Variants in WDR36 observed in about 807,000 individuals in gnomAD.
WDR36 encodes WD repeat-containing protein 36.
In WDR36, 63 loss-of-function variants were observed where a neutral mutation model predicts 112.7. The ratio of observed to expected loss-of-function variants is 0.56; its 90% CI spans 0.46 to 0.69. The LOEUF (loss-of-function observed/expected upper bound fraction) is 0.69, where lower values mean the gene tolerates loss of function less well. WDR36 is among the 30% of genes least tolerant of loss of function. The pLI is 0.00. For synonymous variants in WDR36, 410 were observed against 362.2 expected, an observed-to-expected ratio of 1.13 and a Z score of -1.50; for missense variants, 1,226 against 1,070.3, an observed-to-expected ratio of 1.15 and a Z score of -2.03.
At position 111,104,313 on chromosome 5, in the gene WDR36, G is replaced by A. The variant is rs749915997; in HGVS notation, c.867G>A (p.Glu289=). 7 of 1,611,934 alleles carry A rather than the reference G, an allele frequency of 4.3e-6. No homozygotes were observed. The highest frequency in any genetic ancestry group is 5.9e-6 in the Non-Finnish European group (7 of 1,178,544). ...AIAGLTFLHR[E]PLLVTNGADN... ...CCGGACTGACATTTCTCCATAGAGA[G>A]CCACTTCTTGTCACAAATGGCGCTG... Residue 289 remains glutamate (E), a synonymous_variant, in exon 8 of 23, where the codon GAG becomes GAA. Coordinates refer to ENST00000513710, the MANE Select transcript of WDR36 (RefSeq NM_139281.3).
Position 111,123,917 on chromosome 5 carries a change from C to A in WDR36, c.2261C>A (p.Pro754His). 1 of 1,613,554 alleles carries A rather than the reference C, an allele frequency of 6.2e-7. No individual in the cohort carries two copies. The highest frequency in any genetic ancestry group is 8.5e-7 in the Non-Finnish European group (1 of 1,179,884). ...GCTGCACCTGAACAAAATAATGATC[C>A]CCAGCAGGTAAAAAACAAATTAGAA... Reference protein sequence around the residue: ...RYAAPEQNNDPQQSKVVNLGV... With the variant: ...RYAAPEQNNDHQQSKVVNLGV... Residue 754 changes from proline (P) to histidine (H), a missense_variant, in exon 20 of 23, where the codon CCC becomes CAC. By Grantham distance (77) the Pro-to-His change is moderately conservative. Coordinates refer to ENST00000513710, the MANE Select transcript of WDR36 (RefSeq NM_139281.3).
intron 16 of WDR36, among the ~76,000 whole-genome samples, chr5:111,117,710 G>A (rs1753484709): frequency 6.6e-6 from 1 of 152,112 alleles, no homozygotes; most frequent in Non-Finnish European, 1.5e-5. Context: ...TCCTCACACA[G>A]AACACTAAAA....
In WDR36 at chr5:111,104,728, G is replaced by A. The variant is rs2112572616; in HGVS notation, c.938G>A (p.Gly313Asp). 11 of 1,611,348 alleles carry A rather than the reference G, an allele frequency of 6.8e-6. No individual in the cohort carries two copies. Among genetic ancestry groups the A allele is most frequent in the Non-Finnish European group, 9.3e-6 (11 of 1,177,960 alleles). ...ATATTTGATGGTCCTACAGGTGAAG[G>A]CCGACTTTTGAGATTCAGAATGGGT... Reference protein sequence around the residue: ...IWIFDGPTGEGRLLRFRMGHS... With the variant: ...IWIFDGPTGEDRLLRFRMGHS... The change falls in exon 9 of 23, where the codon GGC becomes GAC. Residue 313 changes from glycine (G) to aspartate (D), a missense_variant. Coordinates refer to ENST00000513710, the MANE Select transcript of WDR36 (RefSeq NM_139281.3).
At position 111,103,915 on chromosome 5, in the gene WDR36, A is replaced by G. The variant is rs1753170073; in HGVS notation, c.727A>G (p.Thr243Ala). ...WGPITSISFR[T>A]DGHPVMAAGS... ...ACCCATTACTTCAATTTCATTTCGCACAGGTAACTTTTAACATACTTATTG... is the reference window on the plus strand; with the variant it reads ...ACCCATTACTTCAATTTCATTTCGCGCAGGTAACTTTTAACATACTTATTG... Residue 243 changes from threonine to alanine, a missense_variant, in exon 7 of 23, where the codon ACA (threonine) becomes GCA (alanine). Transcript: ENST00000513710. The G allele has an allele frequency of 6.2e-7, 1 of 1,610,780 alleles. No homozygotes were observed. Among genetic ancestry groups the G allele is most frequent in the African/African-American group, 1.3e-5 (1 of 74,692 alleles).
intron 6 of WDR36, 103 bp downstream of exon 6, chr5:111,102,502 T>A: frequency 8.8e-7 from 1 of 1,136,666 alleles, no homozygotes; most frequent in Non-Finnish European, 1.3e-6. Flanking sequence ...AAACAATATA[T>A]AGCTTAGTTT....
rs145743089 is a variant in WDR36, at chr5:111,106,084, G to C, written c.1121G>C (p.Arg374Pro). 1 of 1,609,580 alleles carries C rather than the reference G, an allele frequency of 6.2e-7. No individual in the cohort carries two copies. Among genetic ancestry groups the C allele is most frequent in the East Asian group, 2.2e-5 (1 of 44,706 alleles). ...TTAATAAATAAAAAGAGAGTTAAAC[G>C]TAAAGGACTTCAGAATACCATGTCA... ...HGLINKKRVKRKGLQNTMSVR... is the reference protein window; with the variant it reads ...HGLINKKRVKPKGLQNTMSVR... The change falls in exon 11 of 23, where the codon CGT becomes CCT. Residue 374 changes from arginine (R) to proline (P), a missense_variant. Coordinates refer to ENST00000513710, the MANE Select transcript of WDR36 (RefSeq NM_139281.3).
chr5:111,123,773 C>T (rs1753618063), intron 19 of WDR36, 32 bp from the exon 20 acceptor site: 1 of 1,611,010 alleles, frequency 6.2e-7, no homozygotes, highest in Non-Finnish European at 8.5e-7. Context: ...CAAGATAATT[C>T]CTATTTTTCT....
chr5:111,104,082 C>G (rs1426316460), intron 7 of WDR36, 95 bp from the exon 8 acceptor site: 4 of 1,416,414 alleles, frequency 2.8e-6, no homozygotes, highest in African/African-American at 1.5e-5. Flanking sequence ...TAGTTTTTTT[C>G]TAACTTTATG....
At chr5:111,114,007 A>G (rs191131696) in intron 16 of WDR36, among the ~76,000 whole-genome samples, 2 of 152,206 alleles carry the variant, frequency 1.3e-5, no homozygotes, top group East Asian at 3.9e-4. Context: ...GGACATTCTA[A>G]CTATATCTTA....
chr5:111,110,833 A>G lies in WDR36; in HGVS notation c.1487A>G (p.Gln496Arg), dbSNP rs751060641. 1.2e-6 allele frequency: 2 copies of G among 1,611,584 alleles called. No homozygotes were observed. The highest frequency in any genetic ancestry group is 1.1e-5 in the South Asian group (1 of 91,024). Reference protein sequence around the residue: ...VRGVAVDGLNQLTVTTGSEGL... With the variant: ...VRGVAVDGLNRLTVTTGSEGL... ...GGTGTCGCAGTGGATGGATTAAACCAGTTGACAGTTACAACTGGTAGTGAA... is the reference window on the plus strand; with the variant it reads ...GGTGTCGCAGTGGATGGATTAAACCGGTTGACAGTTACAACTGGTAGTGAA... The change falls in exon 14 of 23, where the codon CAG becomes CGG. Residue 496 changes from glutamine to arginine, a missense_variant. By Grantham distance (43) the Gln-to-Arg change is conservative. Coordinates refer to ENST00000513710, the MANE Select transcript of WDR36 (RefSeq NM_139281.3).
At position 111,124,094 on chromosome 5, in the gene WDR36, T is replaced by A; in HGVS notation, c.2269-14T>A. The A allele has an allele frequency of 6.2e-7, 1 of 1,612,036 alleles. No homozygotes were observed. The highest frequency in any genetic ancestry group is 8.5e-7 in the Non-Finnish European group (1 of 1,178,678). ...TTGAATTATTTGAATAATGTGTATT[T>A]GTTTTTGTTTAAGTCTAAAGTGGTA... On this transcript the variant is annotated splice_polypyrimidine_tract_variant and intron_variant, in intron 20 of 22. Transcript: ENST00000513710.
rs1753702531 is a variant in WDR36, at chr5:111,127,769, A to G, written c.*886A>G. On this transcript the variant is annotated 3_prime_UTR_variant, in exon 23 of 23. Coordinates refer to ENST00000513710, the MANE Select transcript of WDR36 (RefSeq NM_139281.3). The stretch of plus-strand genomic sequence containing the variant: ...CATTGGAAGATGGCCTTTTACTGAC[A>G]CTGCAGACATGTAGATAACAATAGT... 1 of 211,050 alleles carries G rather than the reference A, an allele frequency of 4.7e-6. No homozygotes were observed. The highest frequency in any genetic ancestry group is 5.9e-5 in the Admixed American group (1 of 17,000). 13.1% of individuals were successfully genotyped at this position (211,050 alleles called of 1,614,324 possible). A position where few individuals can be genotyped will look rare whatever the true frequency, so the allele number is the denominator to read the frequency against.
chr5:111,092,495 T>C lies in WDR36; in HGVS notation c.39T>C (p.Leu13=), dbSNP rs1752882916. The C allele has an allele frequency of 2.5e-6, 4 of 1,614,088 alleles. No homozygotes were observed. The highest frequency in any genetic ancestry group is 3.4e-6 in the Non-Finnish European group (4 of 1,180,054). ...RASERRTASA[L]FAGFRALGLF... The stretch of plus-strand genomic sequence containing the variant: ...CAGAAAGGCGCACGGCCAGCGCGCT[T>C]TTTGCGGGGTTCCGGGCCTTGGGAC... The change falls in exon 1 of 23, where the codon CTT becomes CTC. Residue 13 remains leucine (L), a synonymous_variant. Coordinates refer to ENST00000513710, the MANE Select transcript of WDR36 (RefSeq NM_139281.3).
chr5:111,116,401 A>T (rs1753455865), intron 16 of WDR36, among the ~76,000 whole-genome samples: 1 of 152,218 alleles, frequency 6.6e-6, no homozygotes, highest in Non-Finnish European at 1.5e-5. Flanking sequence ...TCACTGAGGC[A>T]GAAACATCCC....
chr5:111,111,326 TTGGGTG>T (rs779303635), intron 15 of WDR36, 48 bp downstream of exon 15: 5 of 1,465,744 alleles, frequency 3.4e-6, no homozygotes, highest in Non-Finnish European at 4.8e-6. Flanking sequence ...CTACTTTTGT[TTGGGTG>T]TGTTATCCTT....
At chr5:111,100,846 A>G (rs1315246128) in intron 5 of WDR36, 125 bp downstream of exon 5, 6 of 960,676 alleles carry the variant, frequency 6.2e-6, no homozygotes, top group Middle Eastern at 6.7e-4. Flanking sequence ...TCTATAAATA[A>G]CAGTTGGTCC....
In WDR36 at chr5:111,110,245, T is replaced by C. The variant is rs754592633; in HGVS notation, c.1383T>C (p.Thr461=). The C allele has an allele frequency of 6.2e-7, 1 of 1,611,174 alleles. No individual in the cohort carries two copies. Among genetic ancestry groups the C allele is most frequent in the East Asian group, 2.2e-5 (1 of 44,764 alleles). Residue 461 remains threonine, a synonymous_variant, in exon 13 of 23, where the codon ACT becomes ACC. Transcript: ENST00000513710. ...CTGTAATTGGCCTCTCATCAGGAAC[T>C]GTAGATGTATATAACATGCAGTCTG... is the stretch of plus-strand genomic sequence containing the variant. ...NFAVIGLSSG[T]VDVYNMQSGI...
intron 11 of WDR36, 89 bp from the exon 12 acceptor site, chr5:111,107,205 C>A: frequency 6.9e-7 from 1 of 1,443,324 alleles, no homozygotes; most frequent in Non-Finnish European, 9.5e-7. Flanking sequence ...CATTGTATCC[C>A]TAGTGTCTGA....
rs1283417877 is a variant in WDR36 at position 111,127,685 on chromosome 5, G to C, written c.*802G>C. Reference sequence around the variant, plus strand: ...TGTGGGAGGCCCTTCCTTGCCCAAGGCAAGTCGCTGTAGATGGTTAAACTG... The same window carrying C: ...TGTGGGAGGCCCTTCCTTGCCCAAGCCAAGTCGCTGTAGATGGTTAAACTG... On this transcript the variant is annotated 3_prime_UTR_variant, in exon 23 of 23. Coordinates refer to ENST00000513710, the MANE Select transcript of WDR36 (RefSeq NM_139281.3). 1.9e-5 allele frequency: 4 copies of C among 211,016 alleles called. No homozygotes were observed. The highest frequency in any genetic ancestry group is 9.1e-5 in the African/African-American group (4 of 44,106). 13.1% of individuals were successfully genotyped at this position (211,016 alleles called of 1,614,324 possible). A position where few individuals can be genotyped will look rare whatever the true frequency, so the allele number is the denominator to read the frequency against.
Sources: gnomAD v4.1 joint callset for allele counts (sites outside exome capture counted in the v4.1 genomes callset) on GRCh38, gnomAD v4.1.1 for gene constraint, MANE v1.5 for transcripts, NCBI Gene and HGNC (gene_info 2026-07-23, HGNC 2026-07-21) for gene names.